IL1RAPL2: variants seen among roughly 807,000 people sequenced by gnomAD.
IL1RAPL2 encodes X-linked interleukin-1 receptor accessory protein-like 2.
A neutral mutation model predicts 44.1 loss-of-function variants in IL1RAPL2; 3 were observed. That is an observed-to-expected ratio of 0.07 (90% CI 0.03 to 0.18). IL1RAPL2 has a LOEUF of 0.18. Among genes scored for constraint, IL1RAPL2 ranks in the 10% least tolerant of loss-of-function variants. IL1RAPL2 has a pLI of 1.00. For synonymous variants in IL1RAPL2, 181 were observed against 178.8 expected (o/e 1.01, Z -0.10); for missense variants, 391 against 496.4 (o/e 0.79, Z 2.02).
At chrX:104,945,473 G>A (rs189850079) in intron 2 of IL1RAPL2, among the ~76,000 whole-genome samples, 2 of 110,795 alleles carry the variant, frequency 1.8e-5, no homozygotes, top group Non-Finnish European at 3.8e-5. Context: ...ATGTTTAAAT[G>A]ATCAAATCCA....
intron 5 of IL1RAPL2, among the ~76,000 whole-genome samples, chrX:105,412,222 A>G (rs1035552906): frequency 1.5e-4 from 16 of 109,622 alleles, no homozygotes; most frequent in African/African-American, 4.6e-4. Flanking sequence ...TCTGACTCCA[A>G]TATTTATTGT....
At chrX:104,811,008 C>T (rs1932972429) in intron 2 of IL1RAPL2, among the ~76,000 whole-genome samples, 1 of 111,845 alleles carries the variant, frequency 8.9e-6, no homozygotes, top group Non-Finnish European at 1.9e-5. Flanking sequence ...CTGCCTGGGC[C>T]TTGCAAGCAT....
intron 6 of IL1RAPL2, among the ~76,000 whole-genome samples, chrX:105,604,592 C>A (rs1314030933): frequency 3.6e-5 from 4 of 111,138 alleles, no homozygotes; most frequent in African/African-American, 9.8e-5. Context: ...AGAGGAACAT[C>A]TGTTCTTCTC....
intron 2 of IL1RAPL2, among the ~76,000 whole-genome samples, chrX:105,032,359 CATTTAGTGCTATAA>C (rs1010524660): frequency 5.3e-4 from 57 of 107,565 alleles, no homozygotes; most frequent in Non-Finnish European, 9.6e-4. Context: ...CTCTTGTGGG[CATTTAGTGCTATAA>C]ATTTCCCTCT....
chrX:105,669,704 A>T (rs1455862166), intron 6 of IL1RAPL2, among the ~76,000 whole-genome samples: 1 of 110,453 alleles, frequency 9.1e-6, no homozygotes, highest in East Asian at 2.9e-4. Flanking sequence ...GTATCATAAC[A>T]CAGAACAGTT....
At chrX:104,582,654 TTC>T (rs1928399199) in intron 1 of IL1RAPL2, among the ~76,000 whole-genome samples, 1 of 90,349 alleles carries the variant, frequency 1.1e-5, no homozygotes, top group African/African-American at 4.2e-5. Flanking sequence ...CTTTCTTTCT[TTC>T]TTTTTTTTCT....
At chrX:104,642,521 G>T (rs1929953524) in intron 1 of IL1RAPL2, among the ~76,000 whole-genome samples, 3 of 108,105 alleles carry the variant, frequency 2.8e-5, no homozygotes, top group Admixed American at 2.0e-4. Context: ...TTTTACTCTT[G>T]TTGCCCAGGC....
chrX:104,951,023 C>T (rs1925567774), intron 2 of IL1RAPL2, among the ~76,000 whole-genome samples: 1 of 112,068 alleles, frequency 8.9e-6, no homozygotes, highest in Admixed American at 9.5e-5. Context: ...GGCAATGCCT[C>T]GCCCTGCTTC....
At chrX:104,748,412 C>T (rs749553471) in intron 2 of IL1RAPL2, among the ~76,000 whole-genome samples, 48 of 111,299 alleles carry the variant, frequency 4.3e-4, no homozygotes, top group East Asian at 8.6e-4. Context: ...AAAATTTGGC[C>T]TACAATTTTT....
At chrX:105,086,556 A>G (rs1487801133) in intron 2 of IL1RAPL2, among the ~76,000 whole-genome samples, 1 of 111,174 alleles carries the variant, frequency 9.0e-6, no homozygotes, top group Non-Finnish European at 1.9e-5. Flanking sequence ...GATCTATTAC[A>G]CAACATGAAG....
chrX:104,676,755 G>A (rs1253439849), intron 2 of IL1RAPL2, among the ~76,000 whole-genome samples: 2 of 111,571 alleles, frequency 1.8e-5, no homozygotes, highest in Admixed American at 1.9e-4. Flanking sequence ...CGTAGATTTG[G>A]TCTTTTCACA....
intron 2 of IL1RAPL2, among the ~76,000 whole-genome samples, chrX:104,942,160 T>G (rs1407392037): frequency 8.9e-6 from 1 of 112,149 alleles, no homozygotes; most frequent in Non-Finnish European, 1.9e-5. Context: ...TTCTTTTGGC[T>G]TAGGATCATC....
chrX:104,569,101 TC>T (rs1480644810), intron 1 of IL1RAPL2, among the ~76,000 whole-genome samples: 2 of 112,383 alleles, frequency 1.8e-5, no homozygotes, highest in Non-Finnish European at 3.8e-5. Context: ...CAAAGCTGCC[TC>T]CGTGAACAGA....
At chrX:105,502,765 G>A (rs2036404874) in intron 6 of IL1RAPL2, among the ~76,000 whole-genome samples, 1 of 108,846 alleles carries the variant, frequency 9.2e-6, no homozygotes, top group Non-Finnish European at 1.9e-5. Context: ...GCTTAATGGT[G>A]TCTAGATTTC....
chrX:104,848,461 A>G (rs1484687664), intron 2 of IL1RAPL2, among the ~76,000 whole-genome samples: 1 of 89,417 alleles, frequency 1.1e-5, no homozygotes, highest in East Asian at 3.5e-4. Flanking sequence ...AACTTAAACA[A>G]TCTCTCTTTG....
intron 5 of IL1RAPL2, among the ~76,000 whole-genome samples, chrX:105,414,275 C>A (rs1416571094): frequency 1.8e-5 from 2 of 110,561 alleles, no homozygotes. Flanking sequence ...CTATAGGTGC[C>A]CACCACCATG....
At chrX:105,368,108 G>A (rs963268262) in intron 5 of IL1RAPL2, among the ~76,000 whole-genome samples, 4 of 110,650 alleles carry the variant, frequency 3.6e-5, no homozygotes, top group Non-Finnish European at 7.6e-5. Context: ...GGAGGTTTTT[G>A]GGTCGTGGGG....
At position 105,513,708 on chromosome X, in the gene IL1RAPL2, A is replaced by T. The variant is rs747520908; in HGVS notation, c.772+29321A>T. ...GGATAGATTGCAAAAATTTTATCTC[A>T]TTCTATGGGCTGCCTGTTCACTCTG... On this transcript the variant is annotated intron_variant, in intron 6 of 10. Transcript: ENST00000372582. Among the ~76,000 whole-genome samples the T allele has an allele frequency of 2.3e-3, 257 of 111,051 alleles. 1 individual carries two copies. The highest frequency in any genetic ancestry group is 4.1e-3 in the Non-Finnish European group (216 of 52,958).
chrX:104,891,611 A>G (rs1217260315), intron 2 of IL1RAPL2, among the ~76,000 whole-genome samples: 1 of 112,071 alleles, frequency 8.9e-6, no homozygotes, highest in Non-Finnish European at 1.9e-5. Flanking sequence ...TTATTGATGT[A>G]TAAGAATGCT....
Sources: gnomAD v4.1 joint callset for allele counts (sites outside exome capture counted in the v4.1 genomes callset) on GRCh38, gnomAD v4.1.1 for gene constraint, MANE v1.5 for transcripts, NCBI Gene and HGNC (gene_info 2026-07-23, HGNC 2026-07-21) for gene names.